The following NHSL1 variants were observed in gnomAD, a reference collection of about 807,000 sequenced individuals.
NHSL1 encodes the protein NHS like 1, also known as NHS-like protein 1.
NHSL1 carries 48 observed loss-of-function variants against 95.0 expected under a neutral mutation model. The observed-to-expected ratio is 0.51, with a 90% CI of 0.40 to 0.64. NHSL1 has a LOEUF of 0.64. Ranked by LOEUF, NHSL1 falls within the 30% of genes least tolerant of loss-of-function variation. The pLI is 0.00. For synonymous variants in NHSL1, 783 were observed against 833.9 expected (o/e 0.94, Z 1.05); for missense variants, 1,971 against 2,077.7 (o/e 0.95, Z 1.00).
rs757941486 is a variant in NHSL1 at position 138,651,795 on chromosome 6, C to T, written c.96+40681G>A. Among the ~76,000 whole-genome samples, 66 of 152,116 alleles carry T rather than the reference C, an allele frequency of 4.3e-4. 1 individual carries two copies. The highest frequency in any genetic ancestry group is 4.6e-4 in the Non-Finnish European group (31 of 68,010). ...GACAGGAGGTGCCCACTGGAAATCA[C>T]AATAGGTATCAGATTATGACCAAAC... On this transcript the variant is annotated intron_variant, in intron 1 of 3. Coordinates refer to the NHSL1 transcript ENST00000491526.
rs559786340 is a variant in NHSL1 at position 138,422,662 on chromosome 6, T to C, written c.*1419A>G. ...AGTAAGGGTGGGGGTAATGAGATTA[T>C]TACATTAAAATAAAGACTTCACACA... On this transcript the variant is annotated 3_prime_UTR_variant, in exon 8 of 8. Coordinates refer to ENST00000343505, the MANE Select transcript of NHSL1 (RefSeq NM_001144060.2). 8.5e-5 allele frequency: 13 copies of C among 152,222 alleles called. No homozygotes were observed. Among genetic ancestry groups the C allele is most frequent in the Non-Finnish European group, 8.8e-5 (6 of 68,044 alleles). 9.4% of individuals were successfully genotyped at this position (152,222 alleles called of 1,614,324 possible). A position where few individuals can be genotyped will look rare whatever the true frequency, so the allele number is the denominator to read the frequency against.
chr6:138,515,559 G>A (rs1226378164), intron 1 of NHSL1, among the ~76,000 whole-genome samples: 1 of 152,208 alleles, frequency 6.6e-6, no homozygotes, highest in Non-Finnish European at 1.5e-5. Flanking sequence ...CTGTGCTCCT[G>A]GAGGACAGGA....
At chr6:138,441,923 T>C (rs530270402) in intron 5 of NHSL1, 60 bp downstream of exon 5, 1 of 1,458,862 alleles carries the variant, frequency 6.9e-7, no homozygotes, top group East Asian at 2.6e-5. Flanking sequence ...TGAATGAGGT[T>C]AGCGCAGTAA....
rs368834884 is a variant in NHSL1, at chr6:138,432,136, G to A, written c.2209C>T (p.Arg737Trp). 4.5e-5 allele frequency: 70 copies of A among 1,549,642 alleles called. No individual in the cohort carries two copies. The highest frequency in any genetic ancestry group is 5.7e-5 in the Non-Finnish European group (65 of 1,145,788). Residue 737 changes from arginine (R) to tryptophan (W), a missense_variant, in exon 6 of 8, where the codon CGG becomes TGG. Coordinates refer to ENST00000343505, the MANE Select transcript of NHSL1 (RefSeq NM_001144060.2). This position sits in a 1 kb window ranked among gnomAD's most constrained non-coding sequence, Gnocchi z 4.4. ...CCAGCACTAACTGTGCTCTGGCTCC[G>A]GGAGCGGGGCAGCCAGGGCTCTTCC... The part of the protein sequence containing the change: ...DLEEPWLPRS[R>W]SQSTVSAGSS...
chr6:138,497,615 C>T (rs745657902), intron 1 of NHSL1, among the ~76,000 whole-genome samples: 4 of 152,182 alleles, frequency 2.6e-5, no homozygotes, highest in Non-Finnish European at 5.9e-5. Flanking sequence ...ATTAGGGCTA[C>T]TCTAAAGATC....
intron 1 of NHSL1, among the ~76,000 whole-genome samples, chr6:138,684,424 G>A (rs1785555616): frequency 6.6e-6 from 1 of 151,852 alleles, no homozygotes; most frequent in Non-Finnish European, 1.5e-5. Context: ...AAGGCGGGCG[G>A]ATCACAAGGT....
At chr6:138,617,769 G>A (rs577569568) in intron 1 of NHSL1, among the ~76,000 whole-genome samples, 2 of 152,332 alleles carry the variant, frequency 1.3e-5, no homozygotes, top group African/African-American at 4.8e-5. Context: ...CATTACTCCT[G>A]GAGGACAGGC....
In NHSL1 at chr6:138,645,632, C is replaced by T. The variant is rs141010126; in HGVS notation, c.96+46844G>A. On this transcript the variant is annotated intron_variant, in intron 1 of 3. Transcript: ENST00000491526. ...AAGCAATTCTCCTGCCTCAGCCTTC[C>T]GAGTAGCTGGGACTACAGGTGTGCA... Among the ~76,000 whole-genome samples the T allele has an allele frequency of 1.8e-3, 280 of 151,790 alleles. 3 individuals carry two copies. The highest frequency in any genetic ancestry group is 0.015 in the East Asian group (76 of 5,162).
intron 7 of NHSL1, among the ~76,000 whole-genome samples, chr6:138,427,301 A>G (rs1455014274): frequency 1.3e-5 from 2 of 152,200 alleles, no homozygotes; most frequent in Non-Finnish European, 2.9e-5. Context: ...TTAGCCGGGC[A>G]TGGTGGCACA....
intron 1 of NHSL1, among the ~76,000 whole-genome samples, chr6:138,648,773 T>C (rs562206437): frequency 6.6e-6 from 1 of 152,138 alleles, no homozygotes; most frequent in Admixed American, 6.5e-5. Context: ...TTATATTCCA[T>C]CTTCAGAACT....
intron 1 of NHSL1, among the ~76,000 whole-genome samples, chr6:138,613,740 G>C (rs1784544208): frequency 6.6e-6 from 1 of 152,178 alleles, no homozygotes; most frequent in Admixed American, 6.5e-5. Flanking sequence ...AAGGACATTT[G>C]ATAAGACATT....
intron 1 of NHSL1, among the ~76,000 whole-genome samples, chr6:138,586,762 A>G (rs910736183): frequency 4.6e-5 from 7 of 152,162 alleles, no homozygotes; most frequent in African/African-American, 1.4e-4. Context: ...TAGGATCCAG[A>G]GCCAAGCACA....
At chr6:138,441,950 A>C (rs1583174763) in intron 5 of NHSL1, 33 bp downstream of exon 5, 2 of 1,529,264 alleles carry the variant, frequency 1.3e-6, no homozygotes, top group East Asian at 5.0e-5. Context: ...GCAGCAGTGA[A>C]GGGCAACAGA....
chr6:138,505,541 G>C (rs78184169), intron 1 of NHSL1, among the ~76,000 whole-genome samples: 6,197 of 151,522 alleles, frequency 0.041, 190 homozygotes, highest in South Asian at 0.086. Flanking sequence ...TGTAGTCTCA[G>C]CTACTCGGGA....
Position 138,471,045 on chromosome 6 carries a change from G to A in NHSL1, c.339+2261C>T, listed in dbSNP as rs1292885524. ...CTCATTTTCAGCAGGATAGGAGCCT[G>A]TTTTCTAGGGGGTGATTTGTCGACC... On this transcript the variant is annotated intron_variant, in intron 3 of 7. Transcript: ENST00000343505. Among the ~76,000 whole-genome samples, 5 of 152,236 alleles carry A rather than the reference G, an allele frequency of 3.3e-5. No homozygotes were observed. In the South Asian group the frequency reaches 1.0e-3, roughly 32 times the overall value.
chr6:138,457,611 G>A lies in NHSL1; in HGVS notation c.340-10418C>T, dbSNP rs558930380. Among the ~76,000 whole-genome samples the A allele has an allele frequency of 2.4e-4, 37 of 152,222 alleles. No individual in the cohort carries two copies. The East Asian group carries it at 6.8e-3, about 28-fold the overall frequency. On this transcript the variant is annotated intron_variant, in intron 3 of 7. Coordinates refer to ENST00000343505, the MANE Select transcript of NHSL1 (RefSeq NM_001144060.2). ...ATACCTCTTTTAAAGTCAATAATTT[G>A]TTAACTCATGCATCCCTTCTTCCAT...
chr6:138,590,161 C>T (rs1200620255), intron 1 of NHSL1, among the ~76,000 whole-genome samples: 1 of 152,124 alleles, frequency 6.6e-6, no homozygotes, highest in African/African-American at 2.4e-5. Context: ...CCATGCCTGG[C>T]TAATTTTTGT....
chr6:138,540,718 C>G (rs1171305004), intron 1 of NHSL1, among the ~76,000 whole-genome samples: 1 of 152,180 alleles, frequency 6.6e-6, no homozygotes, highest in African/African-American at 2.4e-5. Context: ...TCCAACATAA[C>G]TCTTTGCTAT....
intron 1 of NHSL1, among the ~76,000 whole-genome samples, chr6:138,566,531 C>T (rs193170564): frequency 1.3e-4 from 19 of 151,980 alleles, no homozygotes; most frequent in African/African-American, 4.1e-4. Context: ...CTTCCAAACT[C>T]AAGCCCTGAC....
Sources: allele counts gnomAD v4.1 joint callset (sites outside exome capture counted in the v4.1 genomes callset), GRCh38; gene constraint gnomAD v4.1.1; non-coding constraint Gnocchi (gnomAD v3.1); transcripts MANE v1.5; gene names NCBI Gene and HGNC (gene_info 2026-07-23, HGNC 2026-07-21).